The following NPM3 variants were observed in gnomAD, a reference collection of about 807,000 sequenced individuals.
NPM3 encodes nucleophosmin/nucleoplasmin 3, also known as nucleoplasmin-3.
A neutral mutation model predicts 18.1 loss-of-function variants in NPM3; 12 were observed. The ratio of observed to expected loss-of-function variants is 0.66; its 90% CI spans 0.42 to 1.07. The LOEUF (loss-of-function observed/expected upper bound fraction) is 1.07, where lower values mean the gene tolerates loss of function less well. NPM3 is among the 50% of genes least tolerant of loss of function. NPM3 has a pLI of 0.00. For missense variants in NPM3, 274 were observed against 232.1 expected, an observed-to-expected ratio of 1.18 and a Z score of -1.17; for synonymous variants, 116 against 93.7, an observed-to-expected ratio of 1.24 and a Z score of -1.38.
Position 101,782,770 on chromosome 10 carries a change from G to T in NPM3, c.204+69C>A, listed in dbSNP as rs1276072520. The T allele has an allele frequency of 1.9e-6, 3 of 1,583,840 alleles. No individual in the cohort carries two copies. The African/African-American group carries it at 4.0e-5, about 21-fold the overall frequency. ...TGTGTCTCCAAGTAAAGGGGATCCG[G>T]AGGTTGGGTAGAGACCTATATTGCC... is the stretch of plus-strand genomic sequence containing the variant. On this transcript the variant is annotated intron_variant, in intron 2 of 5. Transcript: ENST00000370110.
intron 1 of NPM3, among the ~76,000 whole-genome samples, 167 bp from the exon 2 acceptor site, chr10:101,783,091 A>G (rs2065155486): frequency 1.3e-5 from 2 of 152,142 alleles, no homozygotes; most frequent in South Asian, 4.1e-4. Flanking sequence ...GGCCCCGCCC[A>G]ACACATCTGG....
At position 101,782,726 on chromosome 10, in the gene NPM3, C is replaced by A. The variant is rs1383570798; in HGVS notation, c.204+113G>T. ...ACCTGGCCAGGGGAGCCGCCCATGCCGGGGGGTTAGGCTGAGGATGTGTCT... is the reference window on the plus strand; with the variant it reads ...ACCTGGCCAGGGGAGCCGCCCATGCAGGGGGGTTAGGCTGAGGATGTGTCT... On this transcript the variant is annotated intron_variant, in intron 2 of 5. Coordinates refer to ENST00000370110, the Ensembl canonical transcript of NPM3. The A allele has an allele frequency of 5.7e-6, 9 of 1,574,030 alleles. No individual in the cohort carries two copies. In the East Asian group the frequency reaches 2.1e-4, roughly 36 times the overall value.
chr10:101,783,330 C>G, exon 1 of NPM3: 1 of 1,613,120 alleles, frequency 6.2e-7, no homozygotes, highest in Non-Finnish European at 8.5e-7. Context: ...CCGACACCCC[C>G]GGCCCGCGTT....
Sources: gnomAD v4.1 joint callset for allele counts (sites outside exome capture counted in the v4.1 genomes callset) on GRCh38, gnomAD v4.1.1 for gene constraint, MANE v1.5 for transcripts, NCBI Gene and HGNC (gene_info 2026-07-23, HGNC 2026-07-21) for gene names.